Variants in GSN observed in about 807,000 individuals in gnomAD.
GSN encodes gelsolin.
A neutral mutation model predicts 85.7 loss-of-function variants in GSN; 56 were observed. The observed-to-expected ratio is 0.65, with a 90% CI of 0.53 to 0.82. The LOEUF (loss-of-function observed/expected upper bound fraction) is 0.82. Ranked by LOEUF, GSN falls within the 40% of genes least tolerant of loss-of-function variation. The pLI, the probability that GSN is intolerant of heterozygous loss-of-function variation, is 0.00. For synonymous variants in GSN, 373 were observed against 399.1 expected, an observed-to-expected ratio of 0.93 and a Z score of 0.78; for missense variants, 857 against 979.8, an observed-to-expected ratio of 0.87 and a Z score of 1.67.
rs1309783579 is a variant in GSN, at chr9:121,317,032, G to A, written c.754-54G>A. The stretch of plus-strand genomic sequence containing the variant: ...TGGGGCAAGATGGTGGAAGTCTCAG[G>A]GCTGGGCGGCCACAGACACTCATGT... On this transcript the variant is annotated intron_variant, in intron 7 of 17. Coordinates refer to ENST00000432226, the MANE Select transcript of GSN (RefSeq NM_198252.3). 2.5e-6 allele frequency: 4 copies of A among 1,612,514 alleles called. No individual in the cohort carries two copies. The South Asian group carries it at 4.4e-5, about 18-fold the overall frequency.
At chr9:121,235,909 A>G (rs2054483679) in intron 5 of GSN, among the ~76,000 whole-genome samples, 2 of 152,260 alleles carry the variant, frequency 1.3e-5, no homozygotes, top group Admixed American at 1.3e-4. Context: ...TCTCGGCCAC[A>G]TATTCCAAAT....
intron 5 of GSN, 156 bp from the exon 6 acceptor site, chr9:121,312,183 G>C: frequency 1.3e-6 from 1 of 750,570 alleles, no homozygotes; most frequent in South Asian, 1.6e-5. Context: ...TTAATTGTAC[G>C]TAAATAATGC....
upstream of GSN, among the ~76,000 whole-genome samples, chr9:121,266,115 A>G (rs888854102): frequency 2.0e-5 from 3 of 152,312 alleles, no homozygotes; most frequent in African/African-American, 4.8e-5. Flanking sequence ...TTACAGGGTT[A>G]TGGGTAGGCA....
At chr9:121,319,102 G>C (rs1348376681) in intron 10 of GSN, among the ~76,000 whole-genome samples, 1 of 152,256 alleles carries the variant, frequency 6.6e-6, no homozygotes, top group Non-Finnish European at 1.5e-5. Context: ...TGGTCTGGGA[G>C]GGGAGTTGAC....
At chr9:121,272,617 G>C (rs956733342) in intron 1 of GSN, among the ~76,000 whole-genome samples, 1 of 152,226 alleles carries the variant, frequency 6.6e-6, no homozygotes, top group African/African-American at 2.4e-5. Context: ...AGATAAGGGA[G>C]TTGAGGCCTA....
At chr9:121,282,497 G>A (rs1424869492) in intron 2 of GSN, 3 of 1,257,806 alleles carry the variant, frequency 2.4e-6, no homozygotes, top group African/African-American at 1.5e-5. Flanking sequence ...CTGGCTTCCA[G>A]ATGGTGACAT....
intron 2 of GSN, chr9:121,286,005 G>C: frequency 1.1e-6 from 1 of 893,024 alleles, no homozygotes; most frequent in Non-Finnish European, 1.8e-6. Flanking sequence ...ACCATTTCCG[G>C]AACTGTGTGT....
intron 2 of GSN, chr9:121,282,145 A>G: frequency 2.1e-6 from 1 of 481,614 alleles, no homozygotes; most frequent in Non-Finnish European, 4.0e-6. Flanking sequence ...GGAGGAGTGC[A>G]GAGTCCTGGG....
intron 1 of GSN, chr9:121,281,127 C>G: frequency 6.2e-6 from 1 of 162,038 alleles, no homozygotes. Context: ...TTGAGGGGCC[C>G]AGGATCACTG....
chr9:121,262,096 A>G (rs1048713584), intron 6 of GSN, among the ~76,000 whole-genome samples: 1 of 152,246 alleles, frequency 6.6e-6, no homozygotes, highest in East Asian at 1.9e-4. Flanking sequence ...ACAAAGAAAC[A>G]ACGAGCTGTA....
chr9:121,237,694 A>G (rs780106449), intron 5 of GSN, among the ~76,000 whole-genome samples: 2 of 152,222 alleles, frequency 1.3e-5, no homozygotes, highest in Non-Finnish European at 2.9e-5. Context: ...GAAAGGAGTC[A>G]TCTTTTAGAC....
rs1455994306 is a variant in GSN at position 121,326,506 on chromosome 9, T to A, written c.1417-6T>A. 1 of 1,613,368 alleles carries A rather than the reference T, an allele frequency of 6.2e-7. No homozygotes were observed. Among genetic ancestry groups the A allele is most frequent in the Non-Finnish European group, 8.5e-7 (1 of 1,179,886 alleles). ...TCCCTGACTTGCTCTCCTGTCTCCC[T>A]GCCAGAGCCGTGTGGTCCAAGGCAA... On this transcript the variant is annotated splice_polypyrimidine_tract_variant and splice_region_variant and intron_variant, in intron 12 of 17. Coordinates refer to ENST00000432226, the MANE Select transcript of GSN (RefSeq NM_198252.3).
intron 2 of GSN, among the ~76,000 whole-genome samples, chr9:121,288,409 CGTG>C (rs2058361031): frequency 6.6e-6 from 1 of 152,132 alleles, no homozygotes; most frequent in African/African-American, 2.4e-5. Context: ...GAGCTGGGCA[CGTG>C]GGAGGCTGGT....
upstream of GSN, among the ~76,000 whole-genome samples, chr9:121,267,422 T>C (rs1283521014): frequency 6.6e-6 from 1 of 152,180 alleles, no homozygotes; most frequent in Non-Finnish European, 1.5e-5. Context: ...ACGGTCCCTG[T>C]CATTGTGCTG....
chr9:121,219,563 A>G (rs1195676018), intron 4 of GSN, among the ~76,000 whole-genome samples: 1 of 152,218 alleles, frequency 6.6e-6, no homozygotes, highest in Non-Finnish European at 1.5e-5. Flanking sequence ...CTGAAAAACC[A>G]GGGTGTGGGT....
intron 5 of GSN, chr9:121,239,259 A>G (rs1016867374): frequency 1.3e-5 from 5 of 374,376 alleles, no homozygotes; most frequent in Non-Finnish European, 2.6e-5. Context: ...TAACCAATAC[A>G]TGTTTCTCAT....
In GSN at chr9:121,228,425, T is replaced by TATATATATATATATATATATATATA. The variant is rs1491358330; in HGVS notation, c.-527-2740_-527-2739insATATATATATATATATATATATATA. On this transcript the variant is annotated intron_variant, in intron 4 of 24. Transcript: ENST00000373823. The stretch of plus-strand genomic sequence containing the variant: ...TAACATATATATATATATATATATA[T>TATATATATATATATATATATATATA]TTTTTTTTTTTTTTTTTTTTTTTTT... Among the ~76,000 whole-genome samples the TATATATATATATATATATATATATA allele has an allele frequency of 4.6e-4, 9 of 19,472 alleles. 1 individual carries two copies. Among genetic ancestry groups the TATATATATATATATATATATATATA allele is most frequent in the African/African-American group, 7.1e-4 (3 of 4,210 alleles). The allele number at this position is 19,472 out of a possible 152,430, so 12.8% of individuals were successfully genotyped here. A position where few individuals can be genotyped will look rare whatever the true frequency, so the allele number is the denominator to read the frequency against.
At chr9:121,229,547 C>G (rs748214380) in intron 4 of GSN, among the ~76,000 whole-genome samples, 31 of 152,260 alleles carry the variant, frequency 2.0e-4, no homozygotes, top group Non-Finnish European at 1.2e-4. Context: ...AAATCCAAGC[C>G]AGTTGTTTTA....
At chr9:121,316,250 A>G (rs930804312) in intron 7 of GSN, among the ~76,000 whole-genome samples, 1 of 152,232 alleles carries the variant, frequency 6.6e-6, no homozygotes, top group Non-Finnish European at 1.5e-5. Flanking sequence ...AATTGTAAAG[A>G]TAGTACAAAG....
Sources: allele counts gnomAD v4.1 joint callset (sites outside exome capture counted in the v4.1 genomes callset), GRCh38; gene constraint gnomAD v4.1.1; transcripts MANE v1.5; gene names NCBI Gene and HGNC (gene_info 2026-07-23, HGNC 2026-07-21).